ABI3BP: variants seen among roughly 807,000 people sequenced by gnomAD.
The protein encoded by ABI3BP is ABI family member 3 binding protein.
Under a neutral mutation model 268.6 loss-of-function variants are expected in ABI3BP, and 216 were observed. That is an observed-to-expected ratio of 0.80 (90% CI 0.72 to 0.90). The LOEUF is 0.90. Ranked by LOEUF, ABI3BP falls within the 40% of genes least tolerant of loss-of-function variation. The probability of loss-of-function intolerance (pLI) is 0.00; values close to 1 mark genes in which losing one functional copy is unlikely to be tolerated. For synonymous variants in ABI3BP, 730 were observed against 730.0 expected (o/e 1.00, Z 0.00); for missense variants, 2,090 against 2,182.4 (o/e 0.96, Z 0.84).
At chr3:100,816,300 A>T in intron 43 of ABI3BP, 1 of 456,734 alleles carries the variant, frequency 2.2e-6, no homozygotes. Flanking sequence ...AGAGAAATAT[A>T]TATGAAAGTA....
At chr3:100,933,368 A>G (rs1460347742) in intron 1 of ABI3BP, among the ~76,000 whole-genome samples, 1 of 151,900 alleles carries the variant, frequency 6.6e-6, no homozygotes, top group Non-Finnish European at 1.5e-5. Context: ...ATTCTTATCC[A>G]TAGTGTGTTC....
intron 2 of ABI3BP, chr3:100,910,899 A>G (rs2056152886): frequency 6.5e-6 from 1 of 154,610 alleles, no homozygotes; most frequent in African/African-American, 2.4e-5. Context: ...TAAAAACAAT[A>G]GAATAGAAAT....
chr3:100,925,968 A>G (rs2061684243), intron 2 of ABI3BP, among the ~76,000 whole-genome samples: 1 of 152,030 alleles, frequency 6.6e-6, no homozygotes, highest in African/African-American at 2.4e-5. Flanking sequence ...TGTACTATCA[A>G]AAGATAGTAA....
At chr3:100,936,439 T>G (rs1361905960) in intron 1 of ABI3BP, among the ~76,000 whole-genome samples, 1 of 152,142 alleles carries the variant, frequency 6.6e-6, no homozygotes, top group Non-Finnish European at 1.5e-5. Context: ...GAAATTTTCT[T>G]TTTTTGTTGT....
chr3:100,850,579 T>C, intron 16 of ABI3BP, 81 bp downstream of exon 16: 1 of 1,002,932 alleles, frequency 1.0e-6, no homozygotes, highest in Non-Finnish European at 1.6e-6. Flanking sequence ...TGGAATGAAA[T>C]GGTCATTTGG....
chr3:100,778,522 A>G (rs2096775200), intron 58 of ABI3BP, 146 bp from the exon 59 acceptor site: 2 of 680,982 alleles, frequency 2.9e-6, no homozygotes, highest in South Asian at 2.0e-5. Flanking sequence ...AAAAGTGCAC[A>G]CAAATATATT....
intron 23 of ABI3BP, among the ~76,000 whole-genome samples, 191 bp downstream of exon 23, chr3:100,839,881 G>C (rs2098665722): frequency 6.6e-6 from 1 of 152,036 alleles, no homozygotes; most frequent in South Asian, 2.1e-4. Context: ...TAATAACTAT[G>C]ACTGAGAGTA....
At position 100,830,108 on chromosome 3, in the gene ABI3BP, TAC is replaced by T. The variant is rs1442766174; in HGVS notation, c.2459-446_2459-445del. Among the ~76,000 whole-genome samples, 193 of 38,628 alleles carry T rather than the reference TAC, an allele frequency of 5.0e-3. 3 individuals carry two copies. The highest frequency in any genetic ancestry group is 6.0e-3 in the African/African-American group (45 of 7,526). The allele number at this position is 38,628 out of a possible 152,430, so 25.3% of individuals were successfully genotyped here. A position where few individuals can be genotyped will look rare whatever the true frequency, so the allele number is the denominator to read the frequency against. ...ATATACATATACATACATACATACA[TAC>T]ATATATATATATATATATATATATA... On this transcript the variant is annotated intron_variant, in intron 32 of 67. Transcript: ENST00000471714.
chr3:100,786,908 C>G (rs988740814), intron 57 of ABI3BP, among the ~76,000 whole-genome samples: 2 of 152,026 alleles, frequency 1.3e-5, no homozygotes, highest in Non-Finnish European at 2.9e-5. Context: ...ATTCTTAAAG[C>G]TAAATAATTT....
At chr3:100,792,825 C>CTT (rs1466742743) in intron 54 of ABI3BP, 57 bp from the exon 55 acceptor site, 2 of 1,415,894 alleles carry the variant, frequency 1.4e-6, no homozygotes, top group Non-Finnish European at 2.0e-6. Flanking sequence ...TGAATATGAC[C>CTT]AAAAAAACCC....
At chr3:100,825,050 G>GT in intron 35 of ABI3BP, 109 bp from the exon 36 acceptor site, 1 of 885,884 alleles carries the variant, frequency 1.1e-6, no homozygotes, top group Non-Finnish European at 1.7e-6. Context: ...AACTTTAGTT[G>GT]TTTTTAGTTT....
chr3:100,784,732 C>T (rs905787983), intron 57 of ABI3BP, among the ~76,000 whole-genome samples: 1 of 152,010 alleles, frequency 6.6e-6, no homozygotes, highest in South Asian at 2.1e-4. Flanking sequence ...TCTTTTGCAG[C>T]AATTTGGATG....
chr3:100,867,164 C>T (rs1486578870), intron 9 of ABI3BP, among the ~76,000 whole-genome samples: 4 of 152,042 alleles, frequency 2.6e-5, no homozygotes, highest in Admixed American at 1.3e-4. Context: ...TTCTTATTAA[C>T]CCTAGGTAAT....
rs370678808 is a variant in ABI3BP, at chr3:100,778,391, A to T, written c.4241-15T>A. On this transcript the variant is annotated splice_polypyrimidine_tract_variant and intron_variant, in intron 58 of 67. Transcript: ENST00000471714. ...GCGGCGAGTCCCTGGGATTGTGGATAAGAGATTGTATTTTAGATAAAGCCA... is the reference window on the plus strand; with the variant it reads ...GCGGCGAGTCCCTGGGATTGTGGATTAGAGATTGTATTTTAGATAAAGCCA... The T allele has an allele frequency of 6.2e-7, 1 of 1,605,774 alleles. No homozygotes were observed. Among genetic ancestry groups the T allele is most frequent in the Non-Finnish European group, 8.5e-7 (1 of 1,174,062 alleles).
chr3:100,848,897 C>G, intron 17 of ABI3BP, 22 bp from the exon 18 acceptor site: 1 of 1,603,856 alleles, frequency 6.2e-7, no homozygotes, highest in Non-Finnish European at 8.5e-7. Flanking sequence ...TTTAATATAG[C>G]TTTGATAAAT....
intron 1 of ABI3BP, among the ~76,000 whole-genome samples, chr3:100,983,150 C>T (rs186436029): frequency 2.0e-5 from 3 of 152,178 alleles, no homozygotes; most frequent in Admixed American, 6.5e-5. Flanking sequence ...TGAAGCTCCA[C>T]CTTGGCATCA....
chr3:100,839,483 G>A (rs992182900), intron 24 of ABI3BP, 86 bp downstream of exon 24: 1 of 1,340,154 alleles, frequency 7.5e-7, no homozygotes, highest in Admixed American at 2.0e-5. Flanking sequence ...TGAGGTGGTG[G>A]AACTGCAGTC....
chr3:100,876,385 T>A (rs140567949), intron 7 of ABI3BP, 127 bp downstream of exon 7: 2 of 866,278 alleles, frequency 2.3e-6, no homozygotes, highest in African/African-American at 3.5e-5. Context: ...CCATTATATT[T>A]TCTTTGAACT....
At chr3:100,929,254 G>C (rs559509384) in intron 1 of ABI3BP, among the ~76,000 whole-genome samples, 9 of 152,002 alleles carry the variant, frequency 5.9e-5, no homozygotes, top group African/African-American at 1.9e-4. Context: ...ACTCTGGCCT[G>C]ATGAATCACA....
Sources: allele counts gnomAD v4.1 joint callset (sites outside exome capture counted in the v4.1 genomes callset), GRCh38; gene constraint gnomAD v4.1.1; transcripts MANE v1.5; gene names NCBI Gene and HGNC (gene_info 2026-07-23, HGNC 2026-07-21).